TOX2: variants seen among roughly 807,000 people sequenced by gnomAD.
The protein encoded by TOX2 is TOX high mobility group box family member 2, also known as granulosa cell HMG box 1.
TOX2 carries 15 observed loss-of-function variants against 47.4 expected under a neutral mutation model. The observed-to-expected ratio is 0.32, with a 90% CI of 0.21 to 0.49. The LOEUF (loss-of-function observed/expected upper bound fraction) is 0.49, where lower values mean the gene tolerates loss of function less well. Among genes scored for constraint, TOX2 ranks in the 20% least tolerant of loss-of-function variants. TOX2 has a pLI of 0.99. For synonymous variants in TOX2, 290 were observed against 296.6 expected (o/e 0.98, Z 0.23); for missense variants, 622 against 673.1 (o/e 0.92, Z 0.84).
At chr20:43,997,035 T>C (rs2145570946) in intron 2 of TOX2, among the ~76,000 whole-genome samples, 1 of 152,332 alleles carries the variant, frequency 6.6e-6, no homozygotes, top group South Asian at 2.1e-4. Flanking sequence ...AGGGAGTGAA[T>C]GCCACTTCTC....
At chr20:44,033,320 G>A (rs1032145543) in intron 3 of TOX2, among the ~76,000 whole-genome samples, 1 of 152,040 alleles carries the variant, frequency 6.6e-6, no homozygotes, top group East Asian at 1.9e-4. Context: ...AGAGCAGTGT[G>A]CCCCTGGGAA....
At chr20:43,919,028 G>A (rs1397184083) in intron 1 of TOX2, among the ~76,000 whole-genome samples, 9 of 152,202 alleles carry the variant, frequency 5.9e-5, no homozygotes, top group East Asian at 1.9e-4. Context: ...AGCATCCTTC[G>A]TCCCTGGACT....
chr20:43,996,990 G>A (rs1470461832), intron 2 of TOX2, among the ~76,000 whole-genome samples: 1 of 152,166 alleles, frequency 6.6e-6, no homozygotes, highest in Admixed American at 6.5e-5. Flanking sequence ...CACAAGTTGG[G>A]TTCTCCCAAG....
chr20:44,003,735 C>T (rs938376829), intron 2 of TOX2, among the ~76,000 whole-genome samples: 3 of 152,092 alleles, frequency 2.0e-5, no homozygotes, highest in Non-Finnish European at 2.9e-5. Context: ...GAACTAACCA[C>T]GGGAGGGACA....
At chr20:44,051,601 G>A in intron 4 of TOX2, 56 bp downstream of exon 4, 1 of 1,519,330 alleles carries the variant, frequency 6.6e-7, no homozygotes, top group East Asian at 2.3e-5. Flanking sequence ...CAGGGAAGGG[G>A]TCCTGTGGGG....
At chr20:44,001,284 T>C (rs1435073045) in intron 2 of TOX2, among the ~76,000 whole-genome samples, 1 of 152,168 alleles carries the variant, frequency 6.6e-6, no homozygotes, top group Non-Finnish European at 1.5e-5. Flanking sequence ...CTCTCTAAGC[T>C]CCATGTCCCT....
In TOX2 at chr20:43,932,783, C is replaced by CCCCCCG. The variant is rs11283632; in HGVS notation, c.99+17793_99+17794insCCCCCG. On this transcript the variant is annotated intron_variant, in intron 1 of 8. Coordinates refer to ENST00000341197, the MANE Select transcript of TOX2 (RefSeq NM_001098797.2). ...TTGGAGAGGGGTTGCTGCCCCCCCCCGCCATTTCTGACTGAGGGCAGGTCA... is the reference window on the plus strand; with the variant it reads ...TTGGAGAGGGGTTGCTGCCCCCCCCCCCCCCGGCCATTTCTGACTGAGGGCAGGTCA... Among the ~76,000 whole-genome samples the CCCCCCG allele has an allele frequency of 4.4e-3, 650 of 148,196 alleles. 8 individuals are homozygous for CCCCCCG. Among genetic ancestry groups the CCCCCCG allele is most frequent in the East Asian group, 0.036 (162 of 4,538 alleles).
chr20:43,966,901 G>T (rs910821247), intron 1 of TOX2, among the ~76,000 whole-genome samples: 2 of 152,116 alleles, frequency 1.3e-5, no homozygotes, highest in Admixed American at 6.5e-5. Context: ...GGAGTGAAGC[G>T]ATTGCCCAAA....
At chr20:43,966,679 G>GGGAGGT (rs1256666479) in intron 1 of TOX2, among the ~76,000 whole-genome samples, 1 of 151,872 alleles carries the variant, frequency 6.6e-6, no homozygotes, top group Non-Finnish European at 1.5e-5. Context: ...ACTTGAACCT[G>GGGAGGT]GGAGGTGGAG....
In TOX2 at chr20:44,006,674, G is replaced by A. The variant is rs370265318; in HGVS notation, c.293G>A (p.Gly98Asp). 3.1e-6 allele frequency: 5 copies of A among 1,613,938 alleles called. No individual in the cohort carries two copies. In the African/African-American group the frequency reaches 6.7e-5, roughly 22 times the overall value. ...GCCAGCTACCACTCGCTGTGCCACGGCCTCACCCCCAACGGTCTGCTCCCT... is the reference window on the plus strand; with the variant it reads ...GCCAGCTACCACTCGCTGTGCCACGACCTCACCCCCAACGGTCTGCTCCCT... ...HEASYHSLCH[G>D]LTPNGLLPAY... The change falls in exon 3 of 9, where the codon GGC becomes GAC. Residue 98 changes from glycine to aspartate, a missense_variant. Coordinates refer to ENST00000341197, the MANE Select transcript of TOX2 (RefSeq NM_001098797.2).
At chr20:44,032,836 C>T (rs979844001) in intron 3 of TOX2, among the ~76,000 whole-genome samples, 1 of 152,176 alleles carries the variant, frequency 6.6e-6, no homozygotes, top group Non-Finnish European at 1.5e-5. Flanking sequence ...CCAAAGGGGA[C>T]AAATTGCTTT....
In TOX2 at chr20:44,068,650, C is replaced by T; in HGVS notation, c.1485C>T (p.Ser495=). Residue 495 remains serine, a splice_region_variant and synonymous_variant, in exon 9 of 9, where the codon AGC becomes AGT. Transcript: ENST00000341197. ...PSGECGISTC[S]LLPRDKSLYL... ...TGACAGCCCCTCCTCTCTCTCACAGCCTGCTCCCCAGGGACAAATCGCTCT... is the reference window on the plus strand; with the variant it reads ...TGACAGCCCCTCCTCTCTCTCACAGTCTGCTCCCCAGGGACAAATCGCTCT... 1 of 1,612,142 alleles carries T rather than the reference C, an allele frequency of 6.2e-7. No individual in the cohort carries two copies.
At chr20:44,043,188 A>G (rs1261061758) in intron 3 of TOX2, among the ~76,000 whole-genome samples, 1 of 152,176 alleles carries the variant, frequency 6.6e-6, no homozygotes, top group Non-Finnish European at 1.5e-5. Flanking sequence ...CAGACATTTC[A>G]GGGTGCCTAA....
At chr20:44,043,498 G>A (rs759914006) in intron 3 of TOX2, among the ~76,000 whole-genome samples, 22 of 152,054 alleles carry the variant, frequency 1.4e-4, no homozygotes, top group Non-Finnish European at 2.6e-4. Flanking sequence ...GTTCATAAAG[G>A]CATTATACTG....
At chr20:43,942,276 A>T (rs1333397374) in intron 1 of TOX2, among the ~76,000 whole-genome samples, 1 of 152,202 alleles carries the variant, frequency 6.6e-6, no homozygotes, top group Admixed American at 6.5e-5. Context: ...AGGCTCAGAG[A>T]GGATCTAAGT....
chr20:43,958,622 A>C (rs2069705848), intron 1 of TOX2, among the ~76,000 whole-genome samples: 1 of 152,224 alleles, frequency 6.6e-6, no homozygotes, highest in East Asian at 1.9e-4. Flanking sequence ...GCCCCTCTGC[A>C]CCTGGCATAT....
At chr20:44,041,429 G>A (rs565544126) in intron 3 of TOX2, among the ~76,000 whole-genome samples, 10 of 152,326 alleles carry the variant, frequency 6.6e-5, no homozygotes, top group East Asian at 1.9e-4. Context: ...ATCTTTCACC[G>A]TGGGGAAGTT....
chr20:44,066,212 A>C, intron 7 of TOX2, 105 bp downstream of exon 7: 36 of 1,283,034 alleles, frequency 2.8e-5, no homozygotes, highest in African/African-American at 4.5e-5. Flanking sequence ...ATATAACCTC[A>C]GCCTTGGCAC....
chr20:43,921,376 A>C (rs1409312709), intron 1 of TOX2, among the ~76,000 whole-genome samples: 1 of 152,204 alleles, frequency 6.6e-6, no homozygotes, highest in Non-Finnish European at 1.5e-5. Context: ...GGAACCTGGC[A>C]GACTTGGGTT....
Sources: gnomAD v4.1 joint callset for allele counts (sites outside exome capture counted in the v4.1 genomes callset) on GRCh38, gnomAD v4.1.1 for gene constraint, MANE v1.5 for transcripts, NCBI Gene and HGNC (gene_info 2026-07-23, HGNC 2026-07-21) for gene names.